The following MYLK variants were observed in gnomAD, a reference collection of about 807,000 sequenced individuals.
MYLK encodes myosin light chain kinase, also known as myosin light chain kinase, smooth muscle.
MYLK carries 106 observed loss-of-function variants against 203.4 expected under a neutral mutation model. That is an observed-to-expected ratio of 0.52 (90% CI 0.45 to 0.61). The LOEUF (loss-of-function observed/expected upper bound fraction) is 0.61. Ranked by LOEUF, MYLK falls within the 20% of genes least tolerant of loss-of-function variation. The pLI is 0.00. For synonymous variants in MYLK, 867 were observed against 959.5 expected, an observed-to-expected ratio of 0.90 and a Z score of 1.78; for missense variants, 2,072 against 2,442.3, an observed-to-expected ratio of 0.85 and a Z score of 3.20.
At chr3:123,728,463 C>T (rs1197365605) in intron 11 of MYLK, among the ~76,000 whole-genome samples, 4 of 152,076 alleles carry the variant, frequency 2.6e-5, no homozygotes, top group Admixed American at 6.6e-5. Context: ...GCTATGATCA[C>T]GCCATTGCAC....
Position 123,737,710 on chromosome 3 carries a change from G to A in MYLK, c.589-167C>T, listed in dbSNP as rs150946723. Among the ~76,000 whole-genome samples the A allele has an allele frequency of 2.5e-3, 378 of 152,296 alleles. 1 individual carries two copies. The highest frequency in any genetic ancestry group is 8.8e-3 in the African/African-American group (367 of 41,554). Reference sequence around the variant, plus strand: ...CAGAGAGCCAACTTTAAACAGTTCAGGGGCCCTGACTTGAGGTCTGTGGAT... The same window carrying A: ...CAGAGAGCCAACTTTAAACAGTTCAAGGGCCCTGACTTGAGGTCTGTGGAT... On this transcript the variant is annotated intron_variant, in intron 7 of 33. Transcript: ENST00000360304.
At chr3:123,774,343 G>A (rs9867910) in intron 4 of MYLK, among the ~76,000 whole-genome samples, 39,007 of 151,912 alleles carry the variant, frequency 0.26, 9,320 homozygotes, top group African/African-American at 0.64. Flanking sequence ...ACAGTCCTCC[G>A]GAGGCAGTTA....
chr3:123,656,666 T>C (rs2059396950), intron 24 of MYLK, among the ~76,000 whole-genome samples: 1 of 152,220 alleles, frequency 6.6e-6, no homozygotes, highest in African/African-American at 2.4e-5. Flanking sequence ...GTTCTTTTTT[T>C]ACCCAGCTAT....
chr3:123,624,828 T>C (rs542892316), intron 31 of MYLK: 7 of 152,232 alleles, frequency 4.6e-5, no homozygotes, highest in African/African-American at 1.2e-4. Context: ...ACAGCTGATA[T>C]GTGCTCAGGA....
intron 1 of MYLK, among the ~76,000 whole-genome samples, chr3:123,882,958 C>T (rs111748577): frequency 1.3e-5 from 2 of 152,126 alleles, no homozygotes; most frequent in African/African-American, 4.8e-5. Context: ...CTATTAGAAC[C>T]CTAAATGCCT....
chr3:123,719,368 C>G (rs1478719538), intron 13 of MYLK, among the ~76,000 whole-genome samples: 6 of 152,154 alleles, frequency 3.9e-5, no homozygotes, highest in African/African-American at 1.4e-4. Context: ...CACCTCCCTC[C>G]TCTGATTCTC....
chr3:123,868,164 G>T (rs1206027509), intron 2 of MYLK, among the ~76,000 whole-genome samples: 2 of 152,182 alleles, frequency 1.3e-5, no homozygotes, highest in African/African-American at 4.8e-5. Flanking sequence ...CCACCAGTGG[G>T]AGAGAGTTCA....
chr3:123,710,057 C>G (rs1413117650), intron 13 of MYLK, among the ~76,000 whole-genome samples, 164 bp from the exon 14 acceptor site: 2 of 152,200 alleles, frequency 1.3e-5, no homozygotes, highest in East Asian at 1.9e-4. Flanking sequence ...TCATTAGGAA[C>G]AAGATGCCTC....
At position 123,642,917 on chromosome 3, in the gene MYLK, G is replaced by C. The variant is rs76144859; in HGVS notation, c.4620-2413C>G. 4.9e-4 allele frequency among the ~76,000 whole-genome samples: 74 copies of C among 152,336 alleles called. No individual in the cohort carries two copies. Among genetic ancestry groups the C allele is most frequent in the African/African-American group, 1.8e-3 (73 of 41,574 alleles). On this transcript the variant is annotated intron_variant, in intron 27 of 33. Transcript: ENST00000360304. This position sits in a 1 kb window ranked among gnomAD's most constrained non-coding sequence, Gnocchi z 4.2. Reference sequence around the variant, plus strand: ...CAAATTCCCAAGCTCCTCCTCTGGAGATTTTGATTTAGAAAGTCTTGGGAG... The same window carrying C: ...CAAATTCCCAAGCTCCTCCTCTGGACATTTTGATTTAGAAAGTCTTGGGAG...
rs2108805353 is a variant in MYLK, at chr3:123,736,939, C to T, written c.754+439G>A. ...GTTCACCCTTTCTTCTTGTCAAAGA[C>T]CTGCCCCTTGTGGCCGGGCGTGGTG... On this transcript the variant is annotated intron_variant, in intron 8 of 33. Transcript: ENST00000360304. Among the ~76,000 whole-genome samples the T allele has an allele frequency of 1.3e-5, 2 of 152,190 alleles. 1 individual carries two copies. Among genetic ancestry groups the T allele is most frequent in the South Asian group, 4.2e-4 (2 of 4,812 alleles).
At chr3:123,672,335 A>T (rs1391729640) in intron 20 of MYLK, among the ~76,000 whole-genome samples, 1 of 152,058 alleles carries the variant, frequency 6.6e-6, no homozygotes, top group Non-Finnish European at 1.5e-5. Context: ...GACACAGGGG[A>T]AAGACTGCCA....
chr3:123,669,424 T>C (rs201383495), intron 20 of MYLK, among the ~76,000 whole-genome samples: 3 of 3,082 alleles, frequency 9.7e-4, no homozygotes, highest in South Asian at 0.5. Context: ...GAGGAAAGGC[T>C]TTTTTTTTTT....
chr3:123,820,316 C>T (rs2065879722), intron 3 of MYLK, among the ~76,000 whole-genome samples: 1 of 152,144 alleles, frequency 6.6e-6, no homozygotes, highest in Non-Finnish European at 1.5e-5. Context: ...ACAGATACTG[C>T]CAGACTCACC....
chr3:123,663,929 G>A (rs990886893), intron 23 of MYLK, among the ~76,000 whole-genome samples, 176 bp downstream of exon 23: 1 of 152,140 alleles, frequency 6.6e-6, no homozygotes, highest in Admixed American at 6.5e-5. Context: ...AGGTCAGCAG[G>A]GTCTAGCAGG....
chr3:123,765,480 G>A (rs1043814898), intron 4 of MYLK, among the ~76,000 whole-genome samples: 7 of 151,030 alleles, frequency 4.6e-5, no homozygotes, highest in Non-Finnish European at 7.4e-5. Context: ...GCAATGAGCC[G>A]AGATTGCGCC....
intron 11 of MYLK, 95 bp downstream of exon 11, chr3:123,732,801 G>C: frequency 8.1e-7 from 1 of 1,229,150 alleles, no homozygotes; most frequent in Non-Finnish European, 1.2e-6. Context: ...ACCAAGGCAG[G>C]GGGCTATAGG....
intron 5 of MYLK, among the ~76,000 whole-genome samples, chr3:123,748,291 G>T (rs1420145099): frequency 1.3e-5 from 2 of 152,172 alleles, no homozygotes; most frequent in African/African-American, 4.8e-5. Flanking sequence ...CCATTCATGA[G>T]GGATCCATCC....
chr3:123,727,753 ATGCT>A lies in MYLK; in HGVS notation c.1517-1679_1517-1676del, dbSNP rs1198482601. 4.0e-5 allele frequency among the ~76,000 whole-genome samples: 6 copies of A among 151,792 alleles called. No homozygotes were observed. The East Asian group carries it at 1.2e-3, about 29-fold the overall frequency. On this transcript the variant is annotated intron_variant, in intron 11 of 33. Transcript: ENST00000360304. Reference sequence around the variant, plus strand: ...TTTTCAGCATAGGGACAACTACAGCATGCTTGTAGGGAGAAAAAAGAGGTCTCTC... The same window carrying A: ...TTTTCAGCATAGGGACAACTACAGCATGTAGGGAGAAAAAAGAGGTCTCTC...
rs138841958 is a variant in MYLK at position 123,738,352 on chromosome 3, C to T, written c.588+545G>A. Among the ~76,000 whole-genome samples, 138 of 152,208 alleles carry T rather than the reference C, an allele frequency of 9.1e-4. 1 individual carries two copies. Among genetic ancestry groups the T allele is most frequent in the African/African-American group, 2.9e-3 (122 of 41,526 alleles). ...TGTCAGAACACTGTGGTCTGAGTAA[C>T]AGAGGGAGAGTTGTAATAGGGACAG... On this transcript the variant is annotated intron_variant, in intron 7 of 33. Transcript: ENST00000360304.
Sources: allele counts gnomAD v4.1 joint callset (sites outside exome capture counted in the v4.1 genomes callset), GRCh38; gene constraint gnomAD v4.1.1; non-coding constraint Gnocchi (gnomAD v3.1); transcripts MANE v1.5; gene names NCBI Gene and HGNC (gene_info 2026-07-23, HGNC 2026-07-21).